CHERP: variants seen among roughly 807,000 people sequenced by gnomAD.
The protein encoded by CHERP is calcium homeostasis endoplasmic reticulum protein.
Under a neutral mutation model 113.8 loss-of-function variants are expected in CHERP, and 8 were observed. The observed-to-expected ratio is 0.07, with a 90% CI of 0.04 to 0.13. The LOEUF is 0.13. Ranked by LOEUF, CHERP falls within the 10% of genes least tolerant of loss-of-function variation. CHERP has a pLI of 1.00. For missense variants in CHERP, 884 were observed against 1,298.2 expected (o/e 0.68, Z 4.90); for synonymous variants, 559 against 524.5 (o/e 1.07, Z -0.90).
chr19:16,525,179 C>G lies in CHERP; in HGVS notation c.1741+63G>C, dbSNP rs930955805. On this transcript the variant is annotated intron_variant, in intron 10 of 16. Transcript: ENST00000546361. The surrounding 1 kb of genome is among the most constrained non-coding windows in gnomAD (Gnocchi z 6.5). The stretch of plus-strand genomic sequence containing the variant: ...GCAGGGCCACAAGCAGCGCCACCAG[C>G]CTGCTCGGCAGGCGAGCCGTGGATG... 13 of 1,352,624 alleles carry G rather than the reference C, an allele frequency of 9.6e-6. No homozygotes were observed. In the South Asian group the frequency reaches 2.1e-4, roughly 22 times the overall value. 83.8% of individuals were successfully genotyped at this position (1,352,624 alleles called of 1,614,324 possible).
chr19:16,541,016 CG>C (rs2085775788), intron 2 of CHERP, among the ~76,000 whole-genome samples: 1 of 152,044 alleles, frequency 6.6e-6, no homozygotes, highest in African/African-American at 2.4e-5. Flanking sequence ...GCTGTTTAAT[CG>C]AACACCAACT....
rs911528237 is a variant in CHERP, at chr19:16,532,478, A to AGTG, written c.674+117_674+119dup. 3.2e-6 allele frequency: 4 copies of AGTG among 1,265,202 alleles called. No individual in the cohort carries two copies. Among genetic ancestry groups the AGTG allele is most frequent in the Non-Finnish European group, 4.2e-6 (4 of 945,650 alleles). 78.4% of individuals were successfully genotyped at this position (1,265,202 alleles called of 1,614,324 possible). ...ACCCCCCACCCGGGGTCCCCGGACA[A>AGTG]GTGCCCCCTAGTCTCGGGACAGGCC... On this transcript the variant is annotated intron_variant, in intron 5 of 16. Transcript: ENST00000546361. This position sits in a 1 kb window ranked among gnomAD's most constrained non-coding sequence, Gnocchi z 4.4.
rs1278529369 is a variant in CHERP at position 16,520,340 on chromosome 19, T to C, written c.2345+24A>G. ...GGCCACAGGAAGAGGCCTCAGGCAC[T>C]GCCCTGAGGCAGCCTCTGCCTACCT... On this transcript the variant is annotated intron_variant, in intron 14 of 16. Coordinates refer to ENST00000546361, the MANE Select transcript of CHERP (RefSeq NM_006387.6). The surrounding 1 kb of genome is among the most constrained non-coding windows in gnomAD (Gnocchi z 4.0). 1.6e-5 allele frequency: 26 copies of C among 1,611,504 alleles called. No individual in the cohort carries two copies. The highest frequency in any genetic ancestry group is 2.1e-5 in the Non-Finnish European group (25 of 1,178,276).
Position 16,528,153 on chromosome 19 carries a change from T to A in CHERP, c.1232A>T (p.His411Leu). 4.3e-6 allele frequency: 7 copies of A among 1,613,616 alleles called. No individual in the cohort carries two copies. The highest frequency in any genetic ancestry group is 5.9e-6 in the Non-Finnish European group (7 of 1,179,884). The part of the protein sequence containing the change: ...AAAGPRGPGP[H>L]DQIPPNKPPW... ...GGGCTTGTTTGGTGGGATCTGGTCG[T>A]GTGGCCCGGGGCCCCGGGGGCCGGC... The change falls in exon 9 of 17, where the codon CAC becomes CTC. Residue 411 changes from histidine to leucine, a missense_variant. By Grantham distance (99) the His-to-Leu change is moderately conservative. Transcript: ENST00000546361.
In CHERP at chr19:16,535,210, C is replaced by T. The variant is rs1568263567; in HGVS notation, c.384+242G>A. ...GGTGCATACGTGCCCCACAGTCCCA[C>T]TCAGGGGGGTCCACCCCAGGGTGAT... On this transcript the variant is annotated intron_variant, in intron 3 of 16. Transcript: ENST00000546361. This position sits in a 1 kb window ranked among gnomAD's most constrained non-coding sequence, Gnocchi z 4.3. 6.6e-6 allele frequency among the ~76,000 whole-genome samples: 1 copy of T among 152,238 alleles called. No homozygotes were observed. Among genetic ancestry groups the T allele is most frequent in the Non-Finnish European group, 1.5e-5 (1 of 68,032 alleles).
chr19:16,522,752 C>T (rs2085628280), intron 11 of CHERP, among the ~76,000 whole-genome samples: 1 of 152,176 alleles, frequency 6.6e-6, no homozygotes, highest in Non-Finnish European at 1.5e-5. Flanking sequence ...CTTCTGAGGC[C>T]CTGGACCAAG....
At position 16,520,756 on chromosome 19, in the gene CHERP, G is replaced by A; in HGVS notation, c.2201+70C>T. The A allele has an allele frequency of 6.9e-7, 1 of 1,448,450 alleles. No homozygotes were observed. Among genetic ancestry groups the A allele is most frequent in the Non-Finnish European group, 9.7e-7 (1 of 1,034,246 alleles). The allele number at this position is 1,448,450 out of a possible 1,614,324, so 89.7% of individuals were successfully genotyped here. A position where few individuals can be genotyped will look rare whatever the true frequency, so the allele number is the denominator to read the frequency against. On this transcript the variant is annotated intron_variant, in intron 13 of 16. Coordinates refer to ENST00000546361, the MANE Select transcript of CHERP (RefSeq NM_006387.6). The surrounding 1 kb of genome is among the most constrained non-coding windows in gnomAD (Gnocchi z 4.0). ...AGGGTGGACGTGATGAGTGTATCTGGGGTCTGCTCCCACCCATCACAAGCT... is the reference window on the plus strand; with the variant it reads ...AGGGTGGACGTGATGAGTGTATCTGAGGTCTGCTCCCACCCATCACAAGCT...
rs530710396 is a variant in CHERP, at chr19:16,524,954, A to T, written c.1741+288T>A. ...ATGCAAAAAACAAGCAGCAGCAGTA[A>T]AAAGAACGAGGCCCCGCCCTGCCCT... On this transcript the variant is annotated intron_variant, in intron 10 of 16. Transcript: ENST00000546361. 2.0e-5 allele frequency among the ~76,000 whole-genome samples: 3 copies of T among 152,232 alleles called. No homozygotes were observed. The South Asian group carries it at 6.2e-4, about 32-fold the overall frequency.
In CHERP at chr19:16,532,578, C is replaced by T. The variant is rs372190174; in HGVS notation, c.674+20G>A. 6.3e-6 allele frequency: 10 copies of T among 1,578,254 alleles called. No individual in the cohort carries two copies. Among genetic ancestry groups the T allele is most frequent in the Non-Finnish European group, 8.6e-7 (1 of 1,162,280 alleles). ...GAGCGCGAGGAAGTGGCGCTCTGGG[C>T]ACGGGGTGGCGGCGCTCACCAGTGG... On this transcript the variant is annotated intron_variant, in intron 5 of 16. Transcript: ENST00000546361. This position sits in a 1 kb window ranked among gnomAD's most constrained non-coding sequence, Gnocchi z 4.4.
rs2085693016 is a variant in CHERP at position 16,530,461 on chromosome 19, G to A, written c.876+124C>T. 1.2e-6 allele frequency: 1 copy of A among 859,136 alleles called. No homozygotes were observed. The highest frequency in any genetic ancestry group is 1.9e-6 in the Non-Finnish European group (1 of 518,976). 53.2% of individuals were successfully genotyped at this position (859,136 alleles called of 1,614,324 possible). A position where few individuals can be genotyped will look rare whatever the true frequency, so the allele number is the denominator to read the frequency against. On this transcript the variant is annotated intron_variant, in intron 7 of 16. Coordinates refer to ENST00000546361, the MANE Select transcript of CHERP (RefSeq NM_006387.6). This position sits in a 1 kb window ranked among gnomAD's most constrained non-coding sequence, Gnocchi z 4.1. ...GGTCAACACACACTGGCTACTCCTA[G>A]CACAGGCAGGGGACATGGGCTCTCT...
Position 16,525,551 on chromosome 19 carries a change from C to T in CHERP, c.1432G>A (p.Ala478Thr), listed in dbSNP as rs2122256255. The T allele has an allele frequency of 1.3e-6, 2 of 1,542,740 alleles. No individual in the cohort carries two copies. Among genetic ancestry groups the T allele is most frequent in the Non-Finnish European group, 1.7e-6 (2 of 1,147,014 alleles). ...GDPGWNGQRD[A>T]PWNNQPDAAW... ...GCGTCGGGCTGGTTGTTCCAGGGCG[C>T]GTCGCGCTGGCCGTTCCAGCCGGGG... Residue 478 changes from alanine to threonine, a missense_variant, in exon 10 of 17, where the codon GCG becomes ACG. Physicochemically the swap from Ala to Thr is moderately conservative, Grantham distance 58 (BLOSUM62 0). Coordinates refer to ENST00000546361, the MANE Select transcript of CHERP (RefSeq NM_006387.6). This position sits in a 1 kb window ranked among gnomAD's most constrained non-coding sequence, Gnocchi z 6.5.
chr19:16,536,270 T>G (rs1438624090), intron 2 of CHERP, among the ~76,000 whole-genome samples: 1 of 152,152 alleles, frequency 6.6e-6, no homozygotes, highest in Non-Finnish European at 1.5e-5. Context: ...ACACCCATTC[T>G]GCCGGCAGAA....
At chr19:16,538,690 A>T (rs1288120553) in intron 2 of CHERP, among the ~76,000 whole-genome samples, 2 of 152,000 alleles carry the variant, frequency 1.3e-5, no homozygotes, top group Non-Finnish European at 2.9e-5. Context: ...TCTCCAAAAA[A>T]AAAAGAAAGC....
intron 5 of CHERP, among the ~76,000 whole-genome samples, chr19:16,531,138 C>A (rs1462827929): frequency 6.6e-6 from 1 of 152,162 alleles, no homozygotes; most frequent in African/African-American, 2.4e-5. Context: ...TTGGTCCAGT[C>A]CCCTTGATAG....
In CHERP at chr19:16,519,566, C is replaced by CGGGCCCAGCACGCGTGA; in HGVS notation, c.2557+38_2557+54dup. 6.7e-7 allele frequency: 1 copy of CGGGCCCAGCACGCGTGA among 1,493,736 alleles called. No individual in the cohort carries two copies. Among genetic ancestry groups the CGGGCCCAGCACGCGTGA allele is most frequent in the East Asian group, 2.3e-5 (1 of 44,168 alleles). The allele number at this position is 1,493,736 out of a possible 1,614,324, so 92.5% of individuals were successfully genotyped here. A position where few individuals can be genotyped will look rare whatever the true frequency, so the allele number is the denominator to read the frequency against. On this transcript the variant is annotated intron_variant, in intron 16 of 16. Transcript: ENST00000546361. The surrounding 1 kb of genome is among the most constrained non-coding windows in gnomAD (Gnocchi z 6.0). ...AGGAAGAGAAAGCGCTGGTGACTCC[C>CGGGCCCAGCACGCGTGA]GGGCCCAGCACGCGTGAGGACCCAT...
chr19:16,539,284 A>G (rs1434948860), intron 2 of CHERP, among the ~76,000 whole-genome samples: 3 of 151,140 alleles, frequency 2.0e-5, no homozygotes, highest in African/African-American at 2.4e-5. Flanking sequence ...AGTAGCTGGG[A>G]CTACAGGCGC....
In CHERP at chr19:16,523,298, A is replaced by C. The variant is rs1226138197; in HGVS notation, c.1742-8T>G. On this transcript the variant is annotated splice_polypyrimidine_tract_variant and splice_region_variant and intron_variant, in intron 10 of 16. Transcript: ENST00000546361. The surrounding 1 kb of genome is among the most constrained non-coding windows in gnomAD (Gnocchi z 4.0). ...GGTGAGGGGGCCCCATTTCTGCAAA[A>C]CAGAGACTTGCCTCAGGACCACAGG... is the stretch of plus-strand genomic sequence containing the variant. 6.2e-7 allele frequency: 1 copy of C among 1,602,304 alleles called. No individual in the cohort carries two copies. The highest frequency in any genetic ancestry group is 1.7e-5 in the Admixed American group (1 of 57,776).
chr19:16,522,232 G>A (rs915995432), intron 11 of CHERP, among the ~76,000 whole-genome samples: 2 of 151,448 alleles, frequency 1.3e-5, no homozygotes, highest in Non-Finnish European at 2.9e-5. Context: ...GCCCTTGGAG[G>A]CCCCAAGCCC....
chr19:16,518,559 T>C lies in CHERP; in HGVS notation c.*600A>G, dbSNP rs2085570970. ...GGGCCTCCTCTCAGGTCAGTATTCT[T>C]CTTTCTAGACCTAAACCAAGGAGAG... is the stretch of plus-strand genomic sequence containing the variant. On this transcript the variant is annotated 3_prime_UTR_variant, in exon 17 of 17. Coordinates refer to ENST00000546361, the MANE Select transcript of CHERP (RefSeq NM_006387.6). 6.6e-6 allele frequency: 1 copy of C among 152,546 alleles called. No homozygotes were observed. The highest frequency in any genetic ancestry group is 1.5e-5 in the Non-Finnish European group (1 of 68,302). 9.4% of individuals were successfully genotyped at this position (152,546 alleles called of 1,614,324 possible). A position where few individuals can be genotyped will look rare whatever the true frequency, so the allele number is the denominator to read the frequency against.
Sources: gnomAD v4.1 joint callset for allele counts (sites outside exome capture counted in the v4.1 genomes callset) on GRCh38, gnomAD v4.1.1 for gene constraint, Gnocchi (gnomAD v3.1) non-coding constraint, MANE v1.5 for transcripts, NCBI Gene and HGNC (gene_info 2026-07-23, HGNC 2026-07-21) for gene names.